Variants in ABLIM1 observed in about 807,000 individuals in gnomAD.
ABLIM1 encodes actin binding LIM protein 1, also known as actin-binding LIM protein 1.
Under a neutral mutation model 107.0 loss-of-function variants are expected in ABLIM1, and 40 were observed. The observed-to-expected ratio is 0.37, with a 90% confidence interval of 0.29 to 0.49. The LOEUF is 0.49. Among genes scored for constraint, ABLIM1 ranks in the 20% least tolerant of loss-of-function variants. The pLI, the probability that ABLIM1 is intolerant of heterozygous loss-of-function variation, is 0.97. For synonymous variants in ABLIM1, 357 were observed against 357.3 expected, an observed-to-expected ratio of 1.00 and a Z score of 0.01; for missense variants, 857 against 1,008.5, an observed-to-expected ratio of 0.85 and a Z score of 2.04.
At chr10:114,660,887 G>C (rs552924346), upstream of ABLIM1, among the ~76,000 whole-genome samples, 7 of 152,092 alleles carry the variant, frequency 4.6e-5, no homozygotes, top group Non-Finnish European at 7.4e-5. Flanking sequence ...TCCTGACCTG[G>C]AAAAAAGGTA....
intron 1 of ABLIM1, among the ~76,000 whole-genome samples, chr10:114,721,248 GA>G (rs542119764): frequency 1.3e-5 from 2 of 152,182 alleles, no homozygotes; most frequent in African/African-American, 2.4e-5. Flanking sequence ...GTAACTCCCT[GA>G]CAGGTGAGCT....
chr10:114,541,622 G>A (rs1203362289), intron 6 of ABLIM1, among the ~76,000 whole-genome samples: 3 of 152,226 alleles, frequency 2.0e-5, no homozygotes, highest in Non-Finnish European at 4.4e-5. Flanking sequence ...CGTCTGCTGG[G>A]TGGAGGCTGA....
chr10:114,501,234 A>C (rs780753814), intron 6 of ABLIM1, among the ~76,000 whole-genome samples: 15 of 152,206 alleles, frequency 9.9e-5, no homozygotes, highest in Non-Finnish European at 1.9e-4. Flanking sequence ...ATCAAAACTT[A>C]GAGAGATCAG....
At position 114,489,523 on chromosome 10, in the gene ABLIM1, C is replaced by A. The variant is rs546379093; in HGVS notation, c.983-1507G>T. Among the ~76,000 whole-genome samples the A allele has an allele frequency of 3.9e-3, 595 of 152,188 alleles. 5 individuals carry two copies. The highest frequency in any genetic ancestry group is 0.014 in the African/African-American group (568 of 41,516). ...TTAACCCAGGGCCAAAATAAACAAA[C>A]AAAAAATTCAAACAAAAAGCAGACA... On this transcript the variant is annotated intron_variant, in intron 7 of 22. Coordinates refer to ENST00000533213, the MANE Select transcript of ABLIM1 (RefSeq NM_002313.7).
chr10:114,721,541 G>A (rs2142049852), intron 1 of ABLIM1, among the ~76,000 whole-genome samples: 1 of 152,196 alleles, frequency 6.6e-6, no homozygotes, highest in African/African-American at 2.4e-5. Context: ...GGGTGCAGTG[G>A]CAGGATCTCG....
rs1380647629 is a variant in ABLIM1 at position 114,597,454 on chromosome 10, G to GGAAAGAAAT, written c.379+4364_379+4372dup. ...AAACCTAAAACTGCTCTAGAATGAA[G>GGAAAGAAAT]GAAAGAAATGAAAGAAGGAAATGAA... On this transcript the variant is annotated intron_variant, in intron 2 of 22. Transcript: ENST00000533213. Among the ~76,000 whole-genome samples the GGAAAGAAAT allele has an allele frequency of 5.5e-5, 8 of 144,352 alleles. No individual in the cohort carries two copies. The East Asian group carries it at 1.6e-3, about 29-fold the overall frequency. 94.7% of individuals were successfully genotyped at this position (144,352 alleles called of 152,430 possible).
At chr10:114,468,683 T>G (rs1217211930) in intron 10 of ABLIM1, among the ~76,000 whole-genome samples, 1 of 152,142 alleles carries the variant, frequency 6.6e-6, no homozygotes, top group Non-Finnish European at 1.5e-5. Flanking sequence ...CAGGTACAAA[T>G]GCATCTGCCA....
chr10:114,781,820 A>G, the ABLIM1 span, among the ~76,000 whole-genome samples: 1 of 151,984 alleles, frequency 6.6e-6, no homozygotes, highest in Admixed American at 6.6e-5. Flanking sequence ...CAAGAGCCTT[A>G]TTAGTATCAC....
At chr10:114,722,960 G>T (rs1489859722) in intron 1 of ABLIM1, among the ~76,000 whole-genome samples, 1 of 152,232 alleles carries the variant, frequency 6.6e-6, no homozygotes, top group Admixed American at 6.5e-5. Context: ...TGTGTATATA[G>T]CTCGCTTGCA....
Position 114,756,083 on chromosome 10 carries a change from A to AGTGTGTGT in ABLIM1, c.-213+11970_-213+11977dup, listed in dbSNP as rs10624515. 8.8e-4 allele frequency among the ~76,000 whole-genome samples: 132 copies of AGTGTGTGT among 150,750 alleles called. 1 individual carries two copies. Among genetic ancestry groups the AGTGTGTGT allele is most frequent in the East Asian group, 2.7e-3 (14 of 5,104 alleles). On this transcript the variant is annotated intron_variant, in intron 1 of 15. Transcript: ENST00000651092. ...CATAGGAATTGTGAGTGTGTTTGTG[A>AGTGTGTGT]GTGTGTGTGTGTGTGTGTGTGTTCT...
chr10:114,439,921 C>T, intron 20 of ABLIM1, 161 bp downstream of exon 20: 4 of 1,260,614 alleles, frequency 3.2e-6, no homozygotes, highest in South Asian at 1.4e-5. Flanking sequence ...ACCCAGGCAC[C>T]AGGCATGTCT....
At chr10:114,694,973 C>A (rs1451996368) in intron 1 of ABLIM1, among the ~76,000 whole-genome samples, 4 of 152,178 alleles carry the variant, frequency 2.6e-5, no homozygotes, top group Non-Finnish European at 5.9e-5. Context: ...CCCGGACTCT[C>A]CAGGTACTGA....
At chr10:114,673,281 A>C (rs540137215) in intron 1 of ABLIM1, among the ~76,000 whole-genome samples, 194 of 151,878 alleles carry the variant, frequency 1.3e-3, no homozygotes, top group Middle Eastern at 3.4e-3. Context: ...CAAAAAAAAA[A>C]CAAAACTCTT....
At chr10:114,441,487 A>G (rs927864323) in intron 18 of ABLIM1, among the ~76,000 whole-genome samples, 2 of 152,214 alleles carry the variant, frequency 1.3e-5, no homozygotes, top group African/African-American at 4.8e-5. Context: ...TAGTTTTCCC[A>G]TAATCATACA....
At chr10:114,578,785 C>CTTTTTTT (rs35420465) in intron 2 of ABLIM1, among the ~76,000 whole-genome samples, 13 of 111,714 alleles carry the variant, frequency 1.2e-4, no homozygotes, top group East Asian at 5.2e-4. Context: ...TCTTTCTTTT[C>CTTTTTTT]TTTTTTTTTT....
rs764639668 is a variant in ABLIM1, at chr10:114,575,400, A to G, written c.563+16T>C. The G allele has an allele frequency of 4.3e-6, 7 of 1,611,376 alleles. No individual in the cohort carries two copies. The East Asian group carries it at 1.1e-4, about 26-fold the overall frequency. On this transcript the variant is annotated intron_variant, in intron 3 of 22. Coordinates refer to ENST00000533213, the MANE Select transcript of ABLIM1 (RefSeq NM_002313.7). ...TTGGAGGAAGGTGTAGGCTTTGGAAAGATAGGCTCACTTACTTGCAGATAG... is the reference window on the plus strand; with the variant it reads ...TTGGAGGAAGGTGTAGGCTTTGGAAGGATAGGCTCACTTACTTGCAGATAG...
At chr10:114,529,576 G>T (rs942291104) in intron 6 of ABLIM1, among the ~76,000 whole-genome samples, 2 of 152,202 alleles carry the variant, frequency 1.3e-5, no homozygotes, top group Non-Finnish European at 1.5e-5. Flanking sequence ...TGAGTTTCCA[G>T]ATGAAAAGAG....
At chr10:114,654,331 T>C (rs960222917) in intron 1 of ABLIM1, among the ~76,000 whole-genome samples, 3 of 152,246 alleles carry the variant, frequency 2.0e-5, no homozygotes, top group African/African-American at 4.8e-5. Context: ...TCAGCCTCCA[T>C]AGAGACTGTC....
intron 4 of ABLIM1, among the ~76,000 whole-genome samples, chr10:114,570,383 T>C (rs2071463451): frequency 6.6e-6 from 1 of 152,124 alleles, no homozygotes; most frequent in African/African-American, 2.4e-5. Context: ...TTGTAAATAA[T>C]GACAAGTCCC....
Sources: allele counts gnomAD v4.1 joint callset (sites outside exome capture counted in the v4.1 genomes callset), GRCh38; gene constraint gnomAD v4.1.1; transcripts MANE v1.5; gene names NCBI Gene and HGNC (gene_info 2026-07-23, HGNC 2026-07-21).